KHDRBS3: variants seen among roughly 807,000 people sequenced by gnomAD.
KHDRBS3 encodes KH domain-containing, RNA-binding, signal transduction-associated protein 3.
KHDRBS3 carries 23 observed loss-of-function variants against 45.6 expected under a neutral mutation model. The ratio of observed to expected loss-of-function variants is 0.50; its 90% CI spans 0.36 to 0.72. The LOEUF (loss-of-function observed/expected upper bound fraction) is 0.72. KHDRBS3 is among the 30% of genes least tolerant of loss of function. The pLI, the probability that KHDRBS3 is intolerant of heterozygous loss-of-function variation, is 0.00. For synonymous variants in KHDRBS3, 162 were observed against 156.5 expected (o/e 1.04, Z -0.26); for missense variants, 352 against 424.8 (o/e 0.83, Z 1.51).
chr8:135,607,149 GT>G, intron 7 of KHDRBS3, 112 bp downstream of exon 7: 1 of 726,766 alleles, frequency 1.4e-6, no homozygotes, highest in South Asian at 2.5e-5. Context: ...GGCTTGCCCT[GT>G]TTTTGTATTT....
At chr8:135,544,851 G>A (rs1404591068) in intron 3 of KHDRBS3, among the ~76,000 whole-genome samples, 2 of 152,100 alleles carry the variant, frequency 1.3e-5, no homozygotes, top group Non-Finnish European at 2.9e-5. Flanking sequence ...AGGGAGGGGA[G>A]TAGCATACAT....
At chr8:135,481,209 T>G (rs1438292604) in intron 1 of KHDRBS3, among the ~76,000 whole-genome samples, 19 of 135,656 alleles carry the variant, frequency 1.4e-4, no homozygotes, top group African/African-American at 4.7e-4. Flanking sequence ...TCTTGTCTGA[T>G]TCATGAAAGC....
intron 6 of KHDRBS3, among the ~76,000 whole-genome samples, chr8:135,594,396 C>T (rs1386863172): frequency 1.3e-5 from 2 of 152,114 alleles, no homozygotes; most frequent in Non-Finnish European, 2.9e-5. Flanking sequence ...AACTGACTTT[C>T]GAATCCTTGC....
chr8:135,557,851 T>C (rs1279267909), intron 5 of KHDRBS3, among the ~76,000 whole-genome samples: 1 of 152,172 alleles, frequency 6.6e-6, no homozygotes, highest in Non-Finnish European at 1.5e-5. Flanking sequence ...TAATCATAAC[T>C]TTTTTAAGCC....
intron 6 of KHDRBS3, among the ~76,000 whole-genome samples, chr8:135,599,793 T>A (rs1490295764): frequency 6.6e-6 from 1 of 152,232 alleles, no homozygotes; most frequent in African/African-American, 2.4e-5. Context: ...TGGAGTCTTC[T>A]TGTTGGCTCA....
intron 5 of KHDRBS3, among the ~76,000 whole-genome samples, chr8:135,558,951 A>G (rs1015829448): frequency 7.9e-5 from 12 of 152,126 alleles, no homozygotes; most frequent in Middle Eastern, 3.2e-3. Context: ...TGGCTACAAC[A>G]TTCCTTGATT....
At chr8:135,607,417 T>G (rs1312457255) in intron 7 of KHDRBS3, among the ~76,000 whole-genome samples, 2 of 152,230 alleles carry the variant, frequency 1.3e-5, no homozygotes, top group East Asian at 3.9e-4. Context: ...TCAAAAGTTT[T>G]GTTTCCTATT....
rs375315317 is a variant in KHDRBS3, at chr8:135,508,228, C to A, written c.89-13009C>A. Among the ~76,000 whole-genome samples the A allele has an allele frequency of 5.9e-5, 9 of 152,086 alleles. No individual in the cohort carries two copies. The East Asian group carries it at 1.5e-3, about 26-fold the overall frequency. ...GTACATCTAACCAACAGAAAATATT[C>A]GTTTTTTGTTCTATTAGATATGAAA... On this transcript the variant is annotated intron_variant, in intron 1 of 8. Transcript: ENST00000355849.
chr8:135,608,388 T>G (rs557975358), intron 7 of KHDRBS3, among the ~76,000 whole-genome samples: 2 of 152,330 alleles, frequency 1.3e-5, no homozygotes, highest in African/African-American at 4.8e-5. Context: ...ATTTGCTGAG[T>G]GCATACTATA....
At chr8:135,622,854 G>C (rs1830203902) in intron 7 of KHDRBS3, among the ~76,000 whole-genome samples, 1 of 152,160 alleles carries the variant, frequency 6.6e-6, no homozygotes, top group Non-Finnish European at 1.5e-5. Context: ...AAAAAAATAG[G>C]CTTAAGGAAC....
At chr8:135,469,523 G>GTTTTTT (rs1821889086) in intron 1 of KHDRBS3, among the ~76,000 whole-genome samples, 6 of 46,174 alleles carry the variant, frequency 1.3e-4, no homozygotes, top group Admixed American at 2.8e-4. Context: ...TTTTGTTTTG[G>GTTTTTT]TTTTTTTTTT....
chr8:135,493,180 C>T (rs56970103), intron 1 of KHDRBS3, among the ~76,000 whole-genome samples: 26,142 of 151,866 alleles, frequency 0.17, 2,351 homozygotes, highest in East Asian at 0.35. Context: ...CGGGTTCACA[C>T]CATTCTCCTG....
chr8:135,588,691 T>C (rs1159780393), intron 6 of KHDRBS3, among the ~76,000 whole-genome samples: 1 of 152,196 alleles, frequency 6.6e-6, no homozygotes, highest in African/African-American at 2.4e-5. Context: ...TCACTTTTAT[T>C]GCTCTTATCA....
At chr8:135,494,424 G>T (rs1284994456) in intron 1 of KHDRBS3, among the ~76,000 whole-genome samples, 1 of 151,536 alleles carries the variant, frequency 6.6e-6, no homozygotes, top group Non-Finnish European at 1.5e-5. Context: ...GGCTACAGGC[G>T]CCCGCCACCA....
chr8:135,521,120 A>G lies in KHDRBS3; in HGVS notation c.89-117A>G, dbSNP rs760269166. The stretch of plus-strand genomic sequence containing the variant: ...AATGTACTTGAAAACATTTGCCTCA[A>G]TTTAATAGTCCATACTTCAGTAGTA... On this transcript the variant is annotated intron_variant, in intron 1 of 8. Coordinates refer to ENST00000355849, the MANE Select transcript of KHDRBS3 (RefSeq NM_006558.3). The G allele has an allele frequency of 1.9e-4, 124 of 657,978 alleles. No homozygotes were observed. The Middle Eastern group carries it at 3.5e-3, about 19-fold the overall frequency. The allele number at this position is 657,978 out of a possible 1,614,324, so 40.8% of individuals were successfully genotyped here.
At chr8:135,489,445 C>T (rs112975776) in intron 1 of KHDRBS3, among the ~76,000 whole-genome samples, 20 of 152,110 alleles carry the variant, frequency 1.3e-4, no homozygotes, top group African/African-American at 4.3e-4. Context: ...TTTGGGAGGC[C>T]GAGGTGGGTG....
chr8:135,618,744 C>T (rs774043774), intron 7 of KHDRBS3, among the ~76,000 whole-genome samples: 4 of 152,088 alleles, frequency 2.6e-5, no homozygotes, highest in Admixed American at 6.5e-5. Flanking sequence ...GGAGTCAGGC[C>T]GACCTGACCT....
chr8:135,634,537 T>A (rs1468861116), intron 7 of KHDRBS3, among the ~76,000 whole-genome samples: 2 of 152,184 alleles, frequency 1.3e-5, no homozygotes, highest in Non-Finnish European at 2.9e-5. Flanking sequence ...CTAAAGAAAA[T>A]TATTTATTTG....
chr8:135,545,705 C>G (rs952108829), intron 3 of KHDRBS3, among the ~76,000 whole-genome samples: 1 of 152,184 alleles, frequency 6.6e-6, no homozygotes, highest in African/African-American at 2.4e-5. Context: ...TTGTCTATCT[C>G]TTGTCCACCT....
Sources: gnomAD v4.1 joint callset for allele counts (sites outside exome capture counted in the v4.1 genomes callset) on GRCh38, gnomAD v4.1.1 for gene constraint, MANE v1.5 for transcripts, NCBI Gene and HGNC (gene_info 2026-07-23, HGNC 2026-07-21) for gene names.